CSMD1: variants seen among roughly 807,000 people sequenced by gnomAD.
CSMD1 encodes CUB and sushi domain-containing protein 1.
Under a neutral mutation model 417.5 loss-of-function variants are expected in CSMD1, and 213 were observed. The observed-to-expected ratio is 0.51, with a 90% CI of 0.46 to 0.57. CSMD1 has a LOEUF of 0.57. CSMD1 is among the 20% of genes least tolerant of loss of function. CSMD1 has a pLI of 0.00. For synonymous variants in CSMD1, 2,862 were observed against 1,736.8 expected (o/e 1.65, Z -16.11); for missense variants, 6,923 against 4,529.7 (o/e 1.53, Z -15.17).
At chr8:4,638,997 G>C (rs1256092061) in intron 1 of CSMD1, among the ~76,000 whole-genome samples, 2 of 152,138 alleles carry the variant, frequency 1.3e-5, no homozygotes, top group Admixed American at 6.5e-5. Flanking sequence ...CAAGAACCAA[G>C]CGCTGAAAGA....
intron 3 of CSMD1, among the ~76,000 whole-genome samples, chr8:4,363,338 T>C (rs1378766105): frequency 2.0e-5 from 3 of 152,180 alleles, no homozygotes; most frequent in Non-Finnish European, 2.9e-5. Context: ...CCTGCATAAC[T>C]GTTTTAGGTA....
intron 3 of CSMD1, among the ~76,000 whole-genome samples, chr8:4,276,208 C>T (rs1395978099): frequency 1.3e-5 from 2 of 152,076 alleles, no homozygotes; most frequent in African/African-American, 4.8e-5. Flanking sequence ...ATAGCAAAGA[C>T]CTGGAACTAA....
intron 3 of CSMD1, among the ~76,000 whole-genome samples, chr8:4,256,034 C>T (rs1291090775): frequency 6.6e-6 from 1 of 152,140 alleles, no homozygotes; most frequent in Non-Finnish European, 1.5e-5. Flanking sequence ...GAAAGAACAC[C>T]ACTTTTTAGA....
At chr8:4,611,131 C>T (rs1801144648) in intron 2 of CSMD1, among the ~76,000 whole-genome samples, 1 of 151,878 alleles carries the variant, frequency 6.6e-6, no homozygotes, top group Non-Finnish European at 1.5e-5. Flanking sequence ...ATGGCTGTTA[C>T]TGTTTAGTAA....
chr8:3,494,601 T>G (rs891333742), intron 10 of CSMD1, among the ~76,000 whole-genome samples: 15 of 137,424 alleles, frequency 1.1e-4, no homozygotes, highest in African/African-American at 4.0e-4. Context: ...GATAGATAGA[T>G]AGATAGATGA....
intron 23 of CSMD1, among the ~76,000 whole-genome samples, chr8:3,342,030 A>C (rs1200695477): frequency 2.0e-5 from 3 of 152,222 alleles, no homozygotes; most frequent in Non-Finnish European, 4.4e-5. Context: ...TCTAGTAAAA[A>C]TTTTATAATT....
chr8:3,574,854 C>A (rs538326838), intron 10 of CSMD1, 91 bp downstream of exon 10: 1 of 1,414,266 alleles, frequency 7.1e-7, no homozygotes, highest in Non-Finnish European at 9.6e-7. Flanking sequence ...AGTGTAAGCA[C>A]GGATAGCATT....
At chr8:4,307,530 T>G (rs1798314325) in intron 3 of CSMD1, among the ~76,000 whole-genome samples, 1 of 152,202 alleles carries the variant, frequency 6.6e-6, no homozygotes, top group Non-Finnish European at 1.5e-5. Context: ...GCCTGGTCTG[T>G]TCAAGTAATA....
At chr8:3,651,223 A>G (rs909766895) in intron 7 of CSMD1, among the ~76,000 whole-genome samples, 6 of 152,154 alleles carry the variant, frequency 3.9e-5, no homozygotes, top group Admixed American at 1.3e-4. Flanking sequence ...TCCTTTAAAC[A>G]CCTAAGACAG....
In CSMD1 at chr8:4,493,988, A is replaced by T. The variant is rs118045181; in HGVS notation, c.303-73923T>A. ...CTACTGATTAACTTCAAATGCCTTA[A>T]GCATGTACACATAGATATAGGAGAA... is the stretch of plus-strand genomic sequence containing the variant. On this transcript the variant is annotated intron_variant, in intron 2 of 69. Transcript: ENST00000635120. Among the ~76,000 whole-genome samples the T allele has an allele frequency of 8.4e-3, 1,279 of 152,334 alleles. 14 individuals are homozygous for T. Among genetic ancestry groups the T allele is most frequent in the Middle Eastern group, 0.041 (12 of 294 alleles).
intron 3 of CSMD1, among the ~76,000 whole-genome samples, chr8:4,333,482 T>C (rs961976640): frequency 2.0e-5 from 3 of 152,140 alleles, no homozygotes; most frequent in African/African-American, 4.8e-5. Context: ...GAAATTATAT[T>C]AGTATGATTA....
At chr8:3,658,537 C>A (rs1321149546) in intron 7 of CSMD1, among the ~76,000 whole-genome samples, 2 of 150,896 alleles carry the variant, frequency 1.3e-5, no homozygotes, top group African/African-American at 2.4e-5. Context: ...AATCCCAGCA[C>A]TTTGGGAGGC....
chr8:3,076,031 A>G (rs1813653567), intron 49 of CSMD1, among the ~76,000 whole-genome samples: 1 of 151,394 alleles, frequency 6.6e-6, no homozygotes, highest in Non-Finnish European at 1.5e-5. Flanking sequence ...AGCCTGGGCG[A>G]CAGAGCGAGA....
chr8:4,083,445 A>G (rs1034587025), intron 3 of CSMD1, among the ~76,000 whole-genome samples: 1 of 152,212 alleles, frequency 6.6e-6, no homozygotes, highest in African/African-American at 2.4e-5. Flanking sequence ...AAACTATACT[A>G]CAAGGCTACA....
chr8:4,038,209 A>G (rs1384036977), intron 3 of CSMD1, among the ~76,000 whole-genome samples: 1 of 152,170 alleles, frequency 6.6e-6, no homozygotes, highest in Non-Finnish European at 1.5e-5. Context: ...TTTCTTTTTA[A>G]AAAGTTTTTG....
intron 2 of CSMD1, among the ~76,000 whole-genome samples, chr8:4,557,172 G>C (rs772536826): frequency 1.2e-4 from 18 of 152,150 alleles, no homozygotes; most frequent in Non-Finnish European, 2.4e-4. Context: ...AGCTCCATCA[G>C]TTAGAATTTG....
At chr8:4,488,560 C>A (rs1209868776) in intron 2 of CSMD1, among the ~76,000 whole-genome samples, 1 of 151,984 alleles carries the variant, frequency 6.6e-6, no homozygotes, top group Admixed American at 6.6e-5. Context: ...GGCAGCAGAG[C>A]CCCAAAAATT....
chr8:4,360,986 C>G (rs1584955857), intron 3 of CSMD1, among the ~76,000 whole-genome samples: 1 of 152,220 alleles, frequency 6.6e-6, no homozygotes, highest in East Asian at 1.9e-4. Context: ...AGATATTTGA[C>G]TAATATTTGA....
chr8:3,717,089 C>G (rs528107794), intron 6 of CSMD1, among the ~76,000 whole-genome samples: 1 of 152,144 alleles, frequency 6.6e-6, no homozygotes, highest in African/African-American at 2.4e-5. Context: ...GCTGGCTTTA[C>G]CATATCTCAA....
Sources: allele counts gnomAD v4.1 joint callset (sites outside exome capture counted in the v4.1 genomes callset), GRCh38; gene constraint gnomAD v4.1.1; transcripts MANE v1.5; gene names NCBI Gene and HGNC (gene_info 2026-07-23, HGNC 2026-07-21).